The following VMP1 variants were observed in gnomAD, a reference collection of about 807,000 sequenced individuals.
VMP1 encodes ectopic P-granules autophagy protein 3 homolog.
In VMP1, 11 loss-of-function variants were observed where a neutral mutation model predicts 56.0. That is an observed-to-expected ratio of 0.20 (90% CI 0.12 to 0.32). The LOEUF (loss-of-function observed/expected upper bound fraction) is 0.32. Ranked by LOEUF, VMP1 falls within the 10% of genes least tolerant of loss-of-function variation. The probability of loss-of-function intolerance (pLI) is 1.00; values close to 1 mark genes in which losing one functional copy is unlikely to be tolerated. For synonymous variants in VMP1, 149 were observed against 165.0 expected (o/e 0.90, Z 0.74); for missense variants, 296 against 490.3 (o/e 0.60, Z 3.74).
intron 1 of VMP1, among the ~76,000 whole-genome samples, chr17:59,719,287 C>G (rs2034298776): frequency 1.3e-5 from 2 of 150,990 alleles, no homozygotes. Context: ...CTACTGCACT[C>G]TAGCCTGAGT....
rs556387089 is a variant in VMP1, at chr17:59,784,142, T to TGTGTGAGA, written c.714+10258_714+10259insTGTGAGAG. 2.1e-3 allele frequency among the ~76,000 whole-genome samples: 279 copies of TGTGTGAGA among 130,442 alleles called. 1 individual carries two copies. The highest frequency in any genetic ancestry group is 7.5e-3 in the Middle Eastern group (2 of 268). 85.6% of individuals were successfully genotyped at this position (130,442 alleles called of 152,430 possible). On this transcript the variant is annotated intron_variant, in intron 7 of 11. Transcript: ENST00000262291. ...GTGTGTGTGTGTGTGTGTGTGTGTGTGAGAGAGAGAGAGAGATTGGAGGGA... is the reference window on the plus strand; with the variant it reads ...GTGTGTGTGTGTGTGTGTGTGTGTGTGTGTGAGAGAGAGAGAGAGAGAGATTGGAGGGA...
intron 7 of VMP1, among the ~76,000 whole-genome samples, chr17:59,785,886 A>G (rs2036990738): frequency 6.6e-6 from 1 of 152,080 alleles, no homozygotes; most frequent in Non-Finnish European, 1.5e-5. Context: ...ATTTAGGACT[A>G]TAGTAATTAA....
intron 2 of VMP1, among the ~76,000 whole-genome samples, chr17:59,734,941 T>G (rs2034963145): frequency 6.7e-6 from 1 of 148,766 alleles, no homozygotes; most frequent in Non-Finnish European, 1.5e-5. Flanking sequence ...AGAGTCTCTT[T>G]CATTCTGTTA....
intron 10 of VMP1, among the ~76,000 whole-genome samples, chr17:59,818,587 A>G (rs2144262316): frequency 6.6e-6 from 1 of 152,198 alleles, no homozygotes; most frequent in South Asian, 2.1e-4. Flanking sequence ...CCTCACCAAC[A>G]TGGAGAAATC....
intron 5 of VMP1, among the ~76,000 whole-genome samples, chr17:59,755,778 G>A (rs557516157): frequency 5.4e-4 from 79 of 146,260 alleles, no homozygotes; most frequent in African/African-American, 1.9e-3. Flanking sequence ...TTGCTCTGTC[G>A]CTCAGGCTGG....
chr17:59,798,224 T>A (rs1012301455), intron 7 of VMP1, among the ~76,000 whole-genome samples: 12 of 152,256 alleles, frequency 7.9e-5, no homozygotes, highest in African/African-American at 2.9e-4. Context: ...GAAATCCACT[T>A]AATCCTGATC....
intron 1 of VMP1, among the ~76,000 whole-genome samples, chr17:59,725,556 A>AT (rs1439506876): frequency 6.6e-6 from 1 of 151,922 alleles, no homozygotes; most frequent in Non-Finnish European, 1.5e-5. Flanking sequence ...AATGCCAAAA[A>AT]AAAAAAAAAA....
intron 7 of VMP1, among the ~76,000 whole-genome samples, chr17:59,799,181 G>A (rs2037551341): frequency 6.6e-6 from 1 of 152,232 alleles, no homozygotes; most frequent in Non-Finnish European, 1.5e-5. Flanking sequence ...GAGAACTTAT[G>A]TTTATATTGC....
chr17:59,825,634 G>A (rs2038622843), intron 10 of VMP1, among the ~76,000 whole-genome samples: 1 of 152,182 alleles, frequency 6.6e-6, no homozygotes. Flanking sequence ...GGAAGACAAA[G>A]TCCCCAGTTT....
At chr17:59,795,133 G>A (rs2777900) in intron 7 of VMP1, among the ~76,000 whole-genome samples, 38,418 of 150,900 alleles carry the variant, frequency 0.25, 5,243 homozygotes, top group East Asian at 0.44. Context: ...GCGCCACCAC[G>A]CCCAGCTAAT....
intron 5 of VMP1, among the ~76,000 whole-genome samples, chr17:59,762,143 G>T (rs1000143054): frequency 6.6e-6 from 1 of 152,124 alleles, no homozygotes; most frequent in Admixed American, 6.5e-5. Flanking sequence ...GTTTGCTATA[G>T]AAATGAAAGT....
chr17:59,809,485 T>C (rs2037974061), intron 8 of VMP1, among the ~76,000 whole-genome samples: 1 of 7,748 alleles, frequency 1.3e-4, no homozygotes, highest in East Asian at 2.2e-3. Flanking sequence ...ACCCAGCTAA[T>C]TTTTTTTTTT....
intron 7 of VMP1, among the ~76,000 whole-genome samples, chr17:59,787,412 A>C (rs561910462): frequency 6.6e-6 from 1 of 152,350 alleles, no homozygotes; most frequent in East Asian, 1.9e-4. Flanking sequence ...GCAAGCTGTT[A>C]AATGAATGGC....
intron 1 of VMP1, among the ~76,000 whole-genome samples, chr17:59,723,836 T>A (rs1395588760): frequency 6.6e-6 from 1 of 152,092 alleles, no homozygotes; most frequent in Non-Finnish European, 1.5e-5. Flanking sequence ...GAGAGAAAAA[T>A]GCTGACATGG....
chr17:59,824,417 C>G (rs891853409), intron 10 of VMP1, among the ~76,000 whole-genome samples: 5 of 148,122 alleles, frequency 3.4e-5, no homozygotes, highest in Non-Finnish European at 7.5e-5. Context: ...ACTAAAAATA[C>G]AAAAAATTAG....
chr17:59,795,935 C>T (rs1327356936), intron 7 of VMP1, among the ~76,000 whole-genome samples: 1 of 152,028 alleles, frequency 6.6e-6, no homozygotes, highest in Non-Finnish European at 1.5e-5. Context: ...GAACAAACTG[C>T]GATTCAGAGA....
At chr17:59,834,256 CTTGTTTTTGTTT>C (rs750139786) in intron 10 of VMP1, among the ~76,000 whole-genome samples, 3 of 151,838 alleles carry the variant, frequency 2.0e-5, no homozygotes, top group Admixed American at 6.6e-5. Context: ...CGCACCCAGC[CTTGTTTTTGTTT>C]TTGTTTTTGT....
At chr17:59,708,877 T>G (rs1323830678) in intron 1 of VMP1, among the ~76,000 whole-genome samples, 1 of 152,238 alleles carries the variant, frequency 6.6e-6, no homozygotes. Flanking sequence ...GACTGATTTG[T>G]GTAGGTATGA....
chr17:59,833,901 T>C (rs2038893824), intron 10 of VMP1: 1 of 152,218 alleles, frequency 6.6e-6, no homozygotes, highest in East Asian at 1.9e-4. Context: ...TTCTCTTAAA[T>C]AATGGCTTGA....
Sources: allele counts gnomAD v4.1 joint callset (sites outside exome capture counted in the v4.1 genomes callset), GRCh38; gene constraint gnomAD v4.1.1; transcripts MANE v1.5; gene names NCBI Gene and HGNC (gene_info 2026-07-23, HGNC 2026-07-21).